SH3KBP1: variants seen among roughly 807,000 people sequenced by gnomAD.
SH3KBP1 encodes the protein SH3 domain containing kinase binding protein 1.
In SH3KBP1, 8 loss-of-function variants were observed where a neutral mutation model predicts 50.1. The ratio of observed to expected loss-of-function variants is 0.16; its 90% CI spans 0.09 to 0.29. The LOEUF (loss-of-function observed/expected upper bound fraction) is 0.29, where lower values mean the gene tolerates loss of function less well. Ranked by LOEUF, SH3KBP1 falls within the 10% of genes least tolerant of loss-of-function variation. The probability of loss-of-function intolerance (pLI) is 1.00; values close to 1 mark genes in which losing one functional copy is unlikely to be tolerated. For synonymous variants in SH3KBP1, 227 were observed against 218.6 expected (o/e 1.04, Z -0.34); for missense variants, 377 against 535.2 (o/e 0.70, Z 2.92).
At position 19,822,723 on chromosome X, in the gene SH3KBP1, T is replaced by C. The variant is rs768520001; in HGVS notation, c.162+13402A>G. ...GTATGACAAGTGATTGTTTAAATTG[T>C]ACCTTGGGCACTTGGGTTATTATCT... On this transcript the variant is annotated intron_variant, in intron 2 of 17. Coordinates refer to ENST00000397821, the MANE Select transcript of SH3KBP1 (RefSeq NM_031892.3). Among the ~76,000 whole-genome samples the C allele has an allele frequency of 2.6e-4, 29 of 112,163 alleles. 1 individual carries two copies. The highest frequency in any genetic ancestry group is 5.1e-4 in the Non-Finnish European group (27 of 53,301).
chrX:19,677,704 C>T, intron 6 of SH3KBP1, among the ~76,000 whole-genome samples: 1 of 112,518 alleles, frequency 8.9e-6, no homozygotes, highest in East Asian at 2.8e-4. Flanking sequence ...TCTTTATCCC[C>T]CACATACTAT....
At chrX:19,858,447 C>G (rs1051310751) in intron 1 of SH3KBP1, among the ~76,000 whole-genome samples, 1 of 110,771 alleles carries the variant, frequency 9.0e-6, no homozygotes, top group Non-Finnish European at 1.9e-5. Context: ...ATAGTGAGAT[C>G]CCATCTCTAC....
At chrX:19,548,135 T>G (rs1444213820) in intron 14 of SH3KBP1, among the ~76,000 whole-genome samples, 2 of 112,349 alleles carry the variant, frequency 1.8e-5, no homozygotes, top group East Asian at 5.6e-4. Flanking sequence ...TATAAAGAGT[T>G]GTTGAATGAA....
At chrX:19,686,387 T>G (rs776460637) in intron 5 of SH3KBP1, among the ~76,000 whole-genome samples, 1 of 111,801 alleles carries the variant, frequency 8.9e-6, no homozygotes, top group Non-Finnish European at 1.9e-5. Flanking sequence ...AATGCCAGGT[T>G]ACACTCTTGG....
At chrX:19,639,177 T>C (rs2061791953) in intron 7 of SH3KBP1, among the ~76,000 whole-genome samples, 1 of 111,418 alleles carries the variant, frequency 9.0e-6, no homozygotes, top group South Asian at 3.9e-4. Flanking sequence ...GATGTGTCCG[T>C]CAGTATGTCT....
At chrX:19,798,649 C>A (rs1206568804) in intron 2 of SH3KBP1, among the ~76,000 whole-genome samples, 1 of 111,854 alleles carries the variant, frequency 8.9e-6, no homozygotes, top group African/African-American at 3.3e-5. Context: ...ACTAAAAGGG[C>A]AACCTGGGGC....
intron 2 of SH3KBP1, among the ~76,000 whole-genome samples, chrX:19,775,972 CAAGAAT>C (rs1182077121): frequency 9.0e-6 from 1 of 110,911 alleles, no homozygotes; most frequent in Non-Finnish European, 1.9e-5. Flanking sequence ...TGCAAATTGC[CAAGAAT>C]AAGATGTTGT....
chrX:19,797,438 G>A (rs1340689718), intron 2 of SH3KBP1, among the ~76,000 whole-genome samples: 1 of 111,992 alleles, frequency 8.9e-6, no homozygotes, highest in Non-Finnish European at 1.9e-5. Context: ...CGAGTGGGAA[G>A]ATGACCCCGA....
chrX:19,551,261 G>A (rs985415060), intron 13 of SH3KBP1, among the ~76,000 whole-genome samples: 19 of 111,532 alleles, frequency 1.7e-4, no homozygotes, highest in African/African-American at 4.6e-4. Flanking sequence ...ATAACGAAAG[G>A]TTAACCATCC....
At chrX:19,556,695 G>A (rs12011946) in intron 13 of SH3KBP1, among the ~76,000 whole-genome samples, 180 of 111,196 alleles carry the variant, frequency 1.6e-3, no homozygotes, top group African/African-American at 5.7e-3. Flanking sequence ...TAGAGACAGG[G>A]TCTCGTTCTG....
rs767636615 is a variant in SH3KBP1 at position 19,594,928 on chromosome X, T to C, written c.1057+21A>G. The C allele has an allele frequency of 6.1e-6, 7 of 1,144,191 alleles. No homozygotes were observed. In the South Asian group the frequency reaches 9.0e-5, roughly 15 times the overall value. The allele number at this position is 1,144,191 out of a possible 1,213,427, so 94.3% of individuals were successfully genotyped here. A position where few individuals can be genotyped will look rare whatever the true frequency, so the allele number is the denominator to read the frequency against. On this transcript the variant is annotated intron_variant, in intron 10 of 17. Coordinates refer to ENST00000397821, the MANE Select transcript of SH3KBP1 (RefSeq NM_031892.3). ...AAAGAAAGACGCATATTTTATTTGA[T>C]GGAACTGAAAGGTACATTACCTGCC...
chrX:19,865,657 C>A (rs959160292), intron 1 of SH3KBP1, among the ~76,000 whole-genome samples: 1 of 112,015 alleles, frequency 8.9e-6, no homozygotes, highest in Non-Finnish European at 1.9e-5. Context: ...GCCATTTAAG[C>A]TCTATTTTTA....
At chrX:19,649,220 C>T (rs1602819634) in intron 6 of SH3KBP1, among the ~76,000 whole-genome samples, 1 of 112,080 alleles carries the variant, frequency 8.9e-6, no homozygotes, top group South Asian at 3.8e-4. Context: ...AAACACCAGC[C>T]ATGCACTAAG....
chrX:19,873,772 G>A (rs2069142066), intron 1 of SH3KBP1, among the ~76,000 whole-genome samples: 1 of 108,879 alleles, frequency 9.2e-6, no homozygotes, highest in African/African-American at 3.4e-5. Context: ...AATAGTGCCA[G>A]GCACAGTGGC....
intron 5 of SH3KBP1, among the ~76,000 whole-genome samples, chrX:19,686,713 C>A (rs1178437643): frequency 9.0e-6 from 1 of 110,951 alleles, no homozygotes; most frequent in Non-Finnish European, 1.9e-5. Context: ...AAAAACTTGA[C>A]CCCAGTTTGT....
intron 1 of SH3KBP1, among the ~76,000 whole-genome samples, chrX:19,869,771 C>G (rs2068991063): frequency 8.9e-6 from 1 of 112,523 alleles, no homozygotes; most frequent in Admixed American, 9.4e-5. Flanking sequence ...TTCATATACT[C>G]TCTCCTTCCA....
chrX:19,612,636 T>A lies in SH3KBP1; in HGVS notation c.898-4591A>T, dbSNP rs190856803. On this transcript the variant is annotated intron_variant, in intron 8 of 17. Coordinates refer to ENST00000397821, the MANE Select transcript of SH3KBP1 (RefSeq NM_031892.3). Reference sequence around the variant, plus strand: ...CACACTTAGAATCACCTGGGAATTTTAAAAAAAAATGCCAATGGCTGGGCT... The same window carrying A: ...CACACTTAGAATCACCTGGGAATTTAAAAAAAAAATGCCAATGGCTGGGCT... Among the ~76,000 whole-genome samples, 411 of 110,266 alleles carry A rather than the reference T, an allele frequency of 3.7e-3. 1 individual carries two copies. The highest frequency in any genetic ancestry group is 1.0e-2 in the African/African-American group (302 of 30,343).
Position 19,755,060 on chromosome X carries a change from A to G in SH3KBP1, c.163-8619T>C, listed in dbSNP as rs192439305. On this transcript the variant is annotated intron_variant, in intron 2 of 17. Coordinates refer to ENST00000397821, the MANE Select transcript of SH3KBP1 (RefSeq NM_031892.3). ...CACTCTGACACAGAATTTAGAAGCT[A>G]GAAAAGAAAGGGTCAATAAATTACA... Among the ~76,000 whole-genome samples the G allele has an allele frequency of 5.4e-3, 602 of 112,523 alleles. 6 individuals carry two copies. Among genetic ancestry groups the G allele is most frequent in the Non-Finnish European group, 9.3e-3 (495 of 53,301 alleles).
At chrX:19,849,597 G>A (rs371144682) in intron 1 of SH3KBP1, among the ~76,000 whole-genome samples, 1 of 106,273 alleles carries the variant, frequency 9.4e-6, no homozygotes, top group East Asian at 3.0e-4. Flanking sequence ...GCTGAGGCAG[G>A]AGAGTCACTT....
Sources: gnomAD v4.1 joint callset for allele counts (sites outside exome capture counted in the v4.1 genomes callset) on GRCh38, gnomAD v4.1.1 for gene constraint, MANE v1.5 for transcripts, NCBI Gene and HGNC (gene_info 2026-07-23, HGNC 2026-07-21) for gene names.